The following NCKAP5 variants were observed in gnomAD, a reference collection of about 807,000 sequenced individuals.
NCKAP5 encodes the protein nck-associated protein 5.
In NCKAP5, 92 loss-of-function variants were observed where a neutral mutation model predicts 167.0. The ratio of observed to expected loss-of-function variants is 0.55; its 90% CI spans 0.47 to 0.66. The LOEUF is 0.66. Among genes scored for constraint, NCKAP5 ranks in the 30% least tolerant of loss-of-function variants. The pLI, the probability that NCKAP5 is intolerant of heterozygous loss-of-function variation, is 0.00. For missense variants in NCKAP5, 2,378 were observed against 2,315.0 expected, an observed-to-expected ratio of 1.03 and a Z score of -0.56; for synonymous variants, 891 against 877.4, an observed-to-expected ratio of 1.02 and a Z score of -0.27.
chr2:133,027,481 G>A (rs2196672), intron 6 of NCKAP5, among the ~76,000 whole-genome samples: 61,821 of 152,030 alleles, frequency 0.41, 13,391 homozygotes, highest in African/African-American at 0.58. Flanking sequence ...CGTGAGACAG[G>A]CAGGTCAAGT....
At chr2:133,130,132 A>G (rs1395895308) in intron 5 of NCKAP5, 21 bp from the exon 6 acceptor site, 2 of 1,598,398 alleles carry the variant, frequency 1.3e-6, no homozygotes, top group South Asian at 1.1e-5. Flanking sequence ...CACAAAGGGG[A>G]TGACTTTTAG....
intron 8 of NCKAP5, among the ~76,000 whole-genome samples, chr2:132,881,660 T>C (rs1300960351): frequency 6.6e-6 from 1 of 151,024 alleles, no homozygotes; most frequent in Non-Finnish European, 1.5e-5. Flanking sequence ...GTGGAAACAG[T>C]GCACAGGCAA....
rs1294313677 is a variant in NCKAP5 at position 132,672,890 on chromosome 2, G to A, written c.*399C>T. 1 of 877,854 alleles carries A rather than the reference G, an allele frequency of 1.1e-6. No homozygotes were observed. The highest frequency in any genetic ancestry group is 1.4e-6 in the Non-Finnish European group (1 of 730,218). The allele number at this position is 877,854 out of a possible 1,614,324, so 54.4% of individuals were successfully genotyped here. On this transcript the variant is annotated 3_prime_UTR_variant, in exon 20 of 20. Coordinates refer to ENST00000409261, the MANE Select transcript of NCKAP5 (RefSeq NM_207363.3). ...AGAAATAAGCTCTGGTGGGTTGCCT[G>A]CTGTGAATTTGACAAGGAAGGCTCT...
intron 11 of NCKAP5, among the ~76,000 whole-genome samples, chr2:132,844,446 C>T (rs914193359): frequency 6.6e-6 from 1 of 152,012 alleles, no homozygotes; most frequent in East Asian, 1.9e-4. Context: ...TACATTTTTT[C>T]CAGACTATTT....
intron 19 of NCKAP5, among the ~76,000 whole-genome samples, chr2:132,682,222 C>T (rs1685325290): frequency 6.6e-6 from 1 of 152,104 alleles, no homozygotes; most frequent in Admixed American, 6.5e-5. Context: ...ATGGTCACTA[C>T]CCAGGAAGCA....
intron 4 of NCKAP5, among the ~76,000 whole-genome samples, chr2:133,223,485 A>G (rs10469554): frequency 0.57 from 86,814 of 151,984 alleles, 26,708 homozygotes; most frequent in African/African-American, 0.81. Context: ...GAGACCAGCG[A>G]CGGCAGTCCC....
chr2:132,860,460 T>G, intron 11 of NCKAP5, 32 bp downstream of exon 11: 1 of 1,551,332 alleles, frequency 6.4e-7, no homozygotes, highest in South Asian at 1.2e-5. Flanking sequence ...AGCATTTCAG[T>G]AGCAAAGATT....
intron 5 of NCKAP5, among the ~76,000 whole-genome samples, chr2:133,189,769 T>C (rs1290607211): frequency 2.6e-5 from 4 of 152,082 alleles, no homozygotes; most frequent in African/African-American, 7.2e-5. Flanking sequence ...TGATGGGACG[T>C]ACCTCAAAAT....
intron 6 of NCKAP5, among the ~76,000 whole-genome samples, chr2:133,037,188 T>C (rs926499661): frequency 6.6e-6 from 1 of 152,178 alleles, no homozygotes; most frequent in Non-Finnish European, 1.5e-5. Context: ...TGTTCATGGA[T>C]TGAAAGAATC....
chr2:133,352,415 G>A (rs1013078292), intron 3 of NCKAP5, among the ~76,000 whole-genome samples: 2 of 152,174 alleles, frequency 1.3e-5, no homozygotes, highest in Non-Finnish European at 2.9e-5. Context: ...ATGCACAAAT[G>A]CAGGAGGCAT....
At chr2:132,824,245 C>G (rs1381859301) in intron 11 of NCKAP5, among the ~76,000 whole-genome samples, 1 of 152,218 alleles carries the variant, frequency 6.6e-6, no homozygotes, top group Non-Finnish European at 1.5e-5. Flanking sequence ...GCTTGTGTAA[C>G]AGTTCATTGA....
chr2:132,955,252 C>A (rs1208529553), intron 8 of NCKAP5, among the ~76,000 whole-genome samples: 1 of 152,192 alleles, frequency 6.6e-6, no homozygotes, highest in African/African-American at 2.4e-5. Flanking sequence ...TTGGACATAT[C>A]CGTGGCCATG....
intron 3 of NCKAP5, among the ~76,000 whole-genome samples, chr2:133,357,193 G>T (rs1429108865): frequency 6.6e-6 from 1 of 151,702 alleles, no homozygotes; most frequent in East Asian, 1.9e-4. Context: ...ATGCATGCTT[G>T]CCCGACCCTA....
intron 3 of NCKAP5, among the ~76,000 whole-genome samples, chr2:133,377,350 A>C (rs911363636): frequency 6.6e-6 from 1 of 152,262 alleles, no homozygotes; most frequent in East Asian, 1.9e-4. Context: ...GATTCTGAAA[A>C]GCATACAGGC....
chr2:133,636,931 T>C, the NCKAP5 span, among the ~76,000 whole-genome samples: 3 of 152,170 alleles, frequency 2.0e-5, no homozygotes, highest in Non-Finnish European at 4.4e-5. Context: ...AATTTACCTG[T>C]ATCAGCTTCA....
intron 16 of NCKAP5, among the ~76,000 whole-genome samples, chr2:132,735,930 A>G (rs1691465165): frequency 6.6e-6 from 1 of 152,162 alleles, no homozygotes; most frequent in African/African-American, 2.4e-5. Context: ...TTCTAGCATC[A>G]GTCCCCTTAA....
intron 19 of NCKAP5, among the ~76,000 whole-genome samples, chr2:132,678,844 C>T (rs1341942530): frequency 4.6e-5 from 7 of 152,134 alleles, no homozygotes; most frequent in South Asian, 2.1e-4. Context: ...TAAAAACCAG[C>T]GTGCAACTCC....
At chr2:133,207,001 T>A (rs1192979481) in intron 5 of NCKAP5, among the ~76,000 whole-genome samples, 1 of 152,118 alleles carries the variant, frequency 6.6e-6, no homozygotes, top group Non-Finnish European at 1.5e-5. Context: ...TGTTTCCTGT[T>A]AAGATGTTTA....
At chr2:133,587,058 G>A in the NCKAP5 span, among the ~76,000 whole-genome samples, 4,860 of 152,220 alleles carry the variant, frequency 0.032, 145 homozygotes, top group East Asian at 0.17. Flanking sequence ...ACTCACGCGA[G>A]GGGTGTGCCC....
Sources: allele counts gnomAD v4.1 joint callset (sites outside exome capture counted in the v4.1 genomes callset), GRCh38; gene constraint gnomAD v4.1.1; transcripts MANE v1.5; gene names NCBI Gene and HGNC (gene_info 2026-07-23, HGNC 2026-07-21).